The following HIVEP3 variants were observed in gnomAD, a reference collection of about 807,000 sequenced individuals.
The protein encoded by HIVEP3 is HIVEP zinc finger 3, also known as transcription factor HIVEP3.
A neutral mutation model predicts 152.8 loss-of-function variants in HIVEP3; 49 were observed. That is an observed-to-expected ratio of 0.32 (90% CI 0.26 to 0.41). The LOEUF is 0.41. HIVEP3 is among the 10% of genes least tolerant of loss of function. The pLI, the probability that HIVEP3 is intolerant of heterozygous loss-of-function variation, is 1.00. For synonymous variants in HIVEP3, 1,269 were observed against 1,289.0 expected, an observed-to-expected ratio of 0.98 and a Z score of 0.33; for missense variants, 2,790 against 3,103.3, an observed-to-expected ratio of 0.90 and a Z score of 2.40.
intron 2 of HIVEP3, among the ~76,000 whole-genome samples, chr1:41,637,267 T>C (rs1214789368): frequency 6.6e-6 from 1 of 152,128 alleles, no homozygotes; most frequent in African/African-American, 2.4e-5. Context: ...CAGCAGGAAA[T>C]TGGTTTAATA....
At chr1:41,562,657 C>CTTTCTTTCT (rs1644096530) in intron 5 of HIVEP3, among the ~76,000 whole-genome samples, 1 of 140,710 alleles carries the variant, frequency 7.1e-6, no homozygotes, top group Admixed American at 7.4e-5. Context: ...TTCTTTCTTT[C>CTTTCTTTCT]TTTCTTTTCT....
chr1:41,821,570 C>T (rs1483301462), intron 1 of HIVEP3, among the ~76,000 whole-genome samples: 1 of 152,190 alleles, frequency 6.6e-6, no homozygotes, highest in African/African-American at 2.4e-5. Context: ...AGAGATGAAG[C>T]ACCATCTCAC....
chr1:41,945,802 G>A (rs1369484026), intron 1 of HIVEP3, among the ~76,000 whole-genome samples: 1 of 152,194 alleles, frequency 6.6e-6, no homozygotes, highest in Admixed American at 6.5e-5. Flanking sequence ...CCTTTCTGGA[G>A]AGACTAAGGG....
chr1:42,021,410 C>T (rs1244292837), intron 1 of HIVEP3, among the ~76,000 whole-genome samples: 1 of 152,060 alleles, frequency 6.6e-6, no homozygotes. Context: ...GCCTGGGAAA[C>T]TGAGTGGACA....
chr1:41,812,684 G>T (rs150681769), intron 1 of HIVEP3, among the ~76,000 whole-genome samples: 9 of 151,628 alleles, frequency 5.9e-5, no homozygotes, highest in South Asian at 4.2e-4. Flanking sequence ...GGTAGGGGGT[G>T]GGGGGGGACC....
In HIVEP3 at chr1:41,583,969, T is replaced by A; in HGVS notation, c.829A>T (p.Thr277Ser). 2 of 1,614,178 alleles carry A rather than the reference T, an allele frequency of 1.2e-6. No homozygotes were observed. The highest frequency in any genetic ancestry group is 1.7e-6 in the Non-Finnish European group (2 of 1,180,016). ...RIPGEEFEEP[T>S]EGESTDSEEE... ...TCAGAATCTGTGCTTTCTCCCTCAG[T>A]GGGCTCCTCAAACTCTTCCCCAGGG... Residue 277 changes from threonine (T) to serine (S), a missense_variant, in exon 4 of 9, where the codon ACT (threonine) becomes TCT (serine). Thr to Ser is a moderately conservative substitution (Grantham distance 58). This residue lies in a region of HIVEP3 where 125 missense variants were observed against 130.1 expected (regional missense o/e 0.96). Coordinates refer to ENST00000372583, the MANE Select transcript of HIVEP3 (RefSeq NM_024503.5). This position sits in a 1 kb window ranked among gnomAD's most constrained non-coding sequence, Gnocchi z 6.9.
chr1:41,529,435 A>C (rs1643162561), intron 5 of HIVEP3, among the ~76,000 whole-genome samples: 6 of 101,700 alleles, frequency 5.9e-5, no homozygotes, highest in African/African-American at 1.2e-4. Context: ...ACCCTCACAC[A>C]TGCTCACACC....
At chr1:41,591,009 TTGAGTTGA>T (rs1644579730) in intron 3 of HIVEP3, among the ~76,000 whole-genome samples, 2 of 152,220 alleles carry the variant, frequency 1.3e-5, no homozygotes, top group South Asian at 4.1e-4. Context: ...GTGGTTTAAA[TTGAGTTGA>T]CTCATATAAA....
intron 1 of HIVEP3, among the ~76,000 whole-genome samples, chr1:42,004,975 G>A (rs1244501692): frequency 6.6e-6 from 1 of 152,120 alleles, no homozygotes; most frequent in African/African-American, 2.4e-5. Flanking sequence ...CCTTTGCTTC[G>A]AACGGTCAAT....
chr1:41,757,729 T>C (rs201871178), intron 1 of HIVEP3, among the ~76,000 whole-genome samples: 1 of 20,706 alleles, frequency 4.8e-5, no homozygotes, highest in African/African-American at 5.5e-5. Context: ...TTATTTATTT[T>C]TGAGACGGAG....
Position 41,582,198 on chromosome 1 carries a change from G to C in HIVEP3, c.2600C>G (p.Pro867Arg), listed in dbSNP as rs764001620. 6.2e-7 allele frequency: 1 copy of C among 1,614,004 alleles called. No individual in the cohort carries two copies. The highest frequency in any genetic ancestry group is 1.1e-5 in the South Asian group (1 of 91,062). Reference sequence around the variant, plus strand: ...AGGGGGCGGCTCTGGCTCTGTGTCCGGCCGGTCAGGCTCCTCAGTTACTAG... The same window carrying C: ...AGGGGGCGGCTCTGGCTCTGTGTCCCGCCGGTCAGGCTCCTCAGTTACTAG... ...EILVTEEPDR[P>R]DTEPEPPPKE... The change falls in exon 4 of 9, where the codon CCG (proline) becomes CGG (arginine). Residue 867 changes from proline (P) to arginine (R), a missense_variant. Pro to Arg is a moderately radical substitution (Grantham distance 103). This residue lies in a region of HIVEP3 where 1,078 missense variants were observed against 1,165.3 expected (regional missense o/e 0.93). Coordinates refer to ENST00000372583, the MANE Select transcript of HIVEP3 (RefSeq NM_024503.5). The surrounding 1 kb of genome is among the most constrained non-coding windows in gnomAD (Gnocchi z 4.7).
chr1:41,808,119 C>T (rs543220215), intron 1 of HIVEP3, among the ~76,000 whole-genome samples: 42 of 152,208 alleles, frequency 2.8e-4, no homozygotes, highest in Non-Finnish European at 7.3e-5. Flanking sequence ...TTCACAACAA[C>T]CCTATAAAGT....
chr1:41,880,723 A>G (rs1644247980), intron 1 of HIVEP3, among the ~76,000 whole-genome samples: 1 of 152,206 alleles, frequency 6.6e-6, no homozygotes, highest in African/African-American at 2.4e-5. Flanking sequence ...AAAGGAAGAC[A>G]TGACAGAGGA....
chr1:41,985,061 T>C (rs188678206), intron 1 of HIVEP3, among the ~76,000 whole-genome samples: 3 of 151,834 alleles, frequency 2.0e-5, no homozygotes, highest in East Asian at 3.9e-4. Flanking sequence ...GGTTGGTTGA[T>C]TGATTGATTT....
intron 5 of HIVEP3, chr1:41,544,377 G>A (rs1208408921): frequency 6.6e-6 from 1 of 151,940 alleles, no homozygotes; most frequent in Non-Finnish European, 1.5e-5. Context: ...TCACTTGCCT[G>A]AGGTCACACA....
At chr1:41,981,547 TG>T (rs1645293829) in intron 1 of HIVEP3, among the ~76,000 whole-genome samples, 1 of 152,112 alleles carries the variant, frequency 6.6e-6, no homozygotes, top group African/African-American at 2.4e-5. Flanking sequence ...ACTAGCTGTG[TG>T]ACCTTCTGCA....
chr1:41,917,286 C>T (rs921017819), intron 1 of HIVEP3, among the ~76,000 whole-genome samples: 20 of 152,212 alleles, frequency 1.3e-4, no homozygotes, highest in African/African-American at 4.8e-4. Flanking sequence ...ACCTCATTCT[C>T]CCTCTTTCCT....
At chr1:41,912,859 T>G (rs1486830629) in intron 1 of HIVEP3, among the ~76,000 whole-genome samples, 1 of 151,554 alleles carries the variant, frequency 6.6e-6, no homozygotes, top group Non-Finnish European at 1.5e-5. Flanking sequence ...TTGGGGGGAG[T>G]TTGAGGGGCT....
chr1:41,811,842 C>T (rs1477021790), intron 1 of HIVEP3, among the ~76,000 whole-genome samples: 1 of 151,950 alleles, frequency 6.6e-6, no homozygotes, highest in African/African-American at 2.4e-5. Context: ...CAGATGAGTC[C>T]TTATCTAACT....
Sources: gnomAD v4.1 joint callset for allele counts (sites outside exome capture counted in the v4.1 genomes callset) on GRCh38, gnomAD v4.1.1 for gene constraint, gnomAD v4.1.1 regional missense constraint, Gnocchi (gnomAD v3.1) non-coding constraint, MANE v1.5 for transcripts, NCBI Gene and HGNC (gene_info 2026-07-23, HGNC 2026-07-21) for gene names.